The following ALDH16A1 variants were observed in gnomAD, a reference collection of about 807,000 sequenced individuals.
The protein encoded by ALDH16A1 is aldehyde dehydrogenase family 16 member A1.
A neutral mutation model predicts 96.1 loss-of-function variants in ALDH16A1; 88 were observed. The ratio of observed to expected loss-of-function variants is 0.92; its 90% CI spans 0.77 to 1.09. ALDH16A1 has a LOEUF of 1.09. ALDH16A1 is among the 50% of genes least tolerant of loss of function. The pLI, the probability that ALDH16A1 is intolerant of heterozygous loss-of-function variation, is 0.00. For missense variants in ALDH16A1, 1,250 were observed against 1,112.6 expected (o/e 1.12, Z -1.76); for synonymous variants, 522 against 496.4 (o/e 1.05, Z -0.69).
Position 49,458,483 on chromosome 19 carries a change from C to G in ALDH16A1, c.91-3C>G. 6.4e-7 allele frequency: 1 copy of G among 1,557,358 alleles called. No individual in the cohort carries two copies. Among genetic ancestry groups the G allele is most frequent in the Non-Finnish European group, 8.7e-7 (1 of 1,149,358 alleles). On this transcript the variant is annotated splice_polypyrimidine_tract_variant and splice_region_variant and intron_variant, in intron 1 of 16. Coordinates refer to ENST00000293350, the MANE Select transcript of ALDH16A1 (RefSeq NM_153329.4). The stretch of plus-strand genomic sequence containing the variant: ...CTTTCCAAACTGTCTCTACCTCCCC[C>G]AGGCCTGGCTGGACACCCAGGACCG...
chr19:49,467,762 T>C (rs187782001), intron 14 of ALDH16A1, among the ~76,000 whole-genome samples: 20 of 152,090 alleles, frequency 1.3e-4, no homozygotes, highest in African/African-American at 4.3e-4. Context: ...GCTTGTTACA[T>C]AGGGATACAC....
At chr19:49,464,593 C>T (rs371592208) in intron 11 of ALDH16A1, 39 bp from the exon 12 acceptor site, 12 of 1,613,810 alleles carry the variant, frequency 7.4e-6, no homozygotes, top group Non-Finnish European at 1.0e-5. Context: ...TCCGGCCTCG[C>T]GTGCCCCTTG....
At position 49,464,625 on chromosome 19, in the gene ALDH16A1, C is replaced by T; in HGVS notation, c.1438-7C>T. 1 of 1,614,138 alleles carries T rather than the reference C, an allele frequency of 6.2e-7. No individual in the cohort carries two copies. On this transcript the variant is annotated splice_region_variant and splice_polypyrimidine_tract_variant and intron_variant, in intron 11 of 16. Transcript: ENST00000293350. ...CTTGCATCCTCTTGACACCGTCCCT[C>T]TCACAGGGGCTGTATGAGTATCTGC...
rs3033555 is a variant in ALDH16A1 at position 49,454,031 on chromosome 19, G to GTT, written c.90+620_90+621dup. Among the ~76,000 whole-genome samples, 923 of 135,190 alleles carry GTT rather than the reference G, an allele frequency of 6.8e-3. 18 individuals are homozygous for GTT. The highest frequency in any genetic ancestry group is 0.024 in the African/African-American group (876 of 36,362). 88.7% of individuals were successfully genotyped at this position (135,190 alleles called of 152,430 possible). On this transcript the variant is annotated intron_variant, in intron 1 of 16. Transcript: ENST00000293350. ...CCGGTTTGGGTTGGGTTTTTTTTTTGTTTTTTTTTTTGAGCCAGGGTCTCA... is the reference window on the plus strand; with the variant it reads ...CCGGTTTGGGTTGGGTTTTTTTTTTGTTTTTTTTTTTTTGAGCCAGGGTCTCA...
chr19:49,464,554 C>A (rs549966663), intron 11 of ALDH16A1, 32 bp downstream of exon 11: 3 of 1,613,234 alleles, frequency 1.9e-6, no homozygotes, highest in Non-Finnish European at 2.5e-6. Flanking sequence ...CACCAGCCCC[C>A]CCGCCGCCCC....
At chr19:49,461,589 C>T (rs1230267453) in intron 5 of ALDH16A1, 30 bp from the exon 6 acceptor site, 2 of 1,509,212 alleles carry the variant, frequency 1.3e-6, no homozygotes, top group Non-Finnish European at 1.8e-6. Flanking sequence ...GCCTGGACTC[C>T]TGGGCCTTTG....
At chr19:49,461,821 G>A (rs370664241) in intron 6 of ALDH16A1, 21 bp downstream of exon 6, 36 of 1,606,438 alleles carry the variant, frequency 2.2e-5, no homozygotes, top group South Asian at 7.8e-5. Flanking sequence ...GACAGGGGTC[G>A]TGGCGGAACG....
At chr19:49,462,156 G>T in intron 7 of ALDH16A1, 120 bp downstream of exon 7, 1 of 1,353,116 alleles carries the variant, frequency 7.4e-7, no homozygotes, top group Non-Finnish European at 9.6e-7. Context: ...TTTTGAGACG[G>T]AGTTTCACTC....
At position 49,468,907 on chromosome 19, in the gene ALDH16A1, CAGG is replaced by C. The variant is rs759182479; in HGVS notation, c.2171_2173del (p.Gly724del). Reference sequence around the variant, plus strand: ...CCAGCAGGCCTGGCCAACGTGGTGACAGGAGACCGGGACCATCTGACCCGCTGC... The same window carrying C: ...CCAGCAGGCCTGGCCAACGTGGTGACAGACCGGGACCATCTGACCCGCTGC... On this transcript the variant is annotated inframe_deletion, in exon 16 of 17. Coordinates refer to ENST00000293350, the MANE Select transcript of ALDH16A1 (RefSeq NM_153329.4). This position sits in a 1 kb window ranked among gnomAD's most constrained non-coding sequence, Gnocchi z 4.4. The C allele has an allele frequency of 9.3e-6, 15 of 1,614,052 alleles. No individual in the cohort carries two copies. In the East Asian group the frequency reaches 3.3e-4, roughly 36 times the overall value.
Position 49,453,340 on chromosome 19 carries a change from G to C in ALDH16A1, c.9G>C (p.Ala3=), listed in dbSNP as rs2079082086. 1 of 1,566,842 alleles carries C rather than the reference G, an allele frequency of 6.4e-7. No homozygotes were observed. Among genetic ancestry groups the C allele is most frequent in the East Asian group, 2.3e-5 (1 of 42,760 alleles). Residue 3 remains alanine, a synonymous_variant, in exon 1 of 17, where the codon GCG becomes GCC. Coordinates refer to ENST00000293350, the MANE Select transcript of ALDH16A1 (RefSeq NM_153329.4). MA[A]TRAGPRAREI... ...AGCGTTCGGGGTAGGCGATGGCTGC[G>C]ACGCGTGCAGGGCCCCGCGCCCGCG...
chr19:49,464,777 G>T lies in ALDH16A1; in HGVS notation c.1568+15G>T. The T allele has an allele frequency of 1.2e-6, 2 of 1,613,662 alleles. No homozygotes were observed. The highest frequency in any genetic ancestry group is 1.3e-5 in the African/African-American group (1 of 75,078). The stretch of plus-strand genomic sequence containing the variant: ...ATAGGGCCCAGGTGAGTCGTTGGGG[G>T]CCAGTGGTCTGGGAGTGTGAACGGG... On this transcript the variant is annotated intron_variant, in intron 12 of 16. Coordinates refer to ENST00000293350, the MANE Select transcript of ALDH16A1 (RefSeq NM_153329.4).
rs959208467 is a variant in ALDH16A1, at chr19:49,464,575, C to T, written c.1437+53C>T. 2.5e-6 allele frequency: 4 copies of T among 1,613,210 alleles called. No homozygotes were observed. In the African/African-American group the frequency reaches 4.0e-5, roughly 16 times the overall value. On this transcript the variant is annotated intron_variant, in intron 11 of 16. Coordinates refer to ENST00000293350, the MANE Select transcript of ALDH16A1 (RefSeq NM_153329.4). ...CCCCCCCGCCGCCCCATGCCCTTGA[C>T]ACTCGCATCCGGCCTCGCGTGCCCC...
chr19:49,454,031 G>GTTTTT lies in ALDH16A1; in HGVS notation c.90+617_90+621dup, dbSNP rs3033555. 1.2e-4 allele frequency among the ~76,000 whole-genome samples: 16 copies of GTTTTT among 135,178 alleles called. 2 individuals are homozygous for GTTTTT. The highest frequency in any genetic ancestry group is 1.7e-4 in the Non-Finnish European group (11 of 64,668). The allele number at this position is 135,178 out of a possible 152,430, so 88.7% of individuals were successfully genotyped here. A position where few individuals can be genotyped will look rare whatever the true frequency, so the allele number is the denominator to read the frequency against. On this transcript the variant is annotated intron_variant, in intron 1 of 16. Transcript: ENST00000293350. ...CCGGTTTGGGTTGGGTTTTTTTTTT[G>GTTTTT]TTTTTTTTTTTGAGCCAGGGTCTCA...
intron 1 of ALDH16A1, among the ~76,000 whole-genome samples, chr19:49,457,697 C>A (rs1043289453): frequency 6.6e-6 from 1 of 151,738 alleles, no homozygotes; most frequent in Non-Finnish European, 1.5e-5. Flanking sequence ...ACAGCCTCTA[C>A]CTCCTGGGCT....
At chr19:49,457,690 G>A (rs953186704) in intron 1 of ALDH16A1, among the ~76,000 whole-genome samples, 2 of 151,668 alleles carry the variant, frequency 1.3e-5, no homozygotes, top group Non-Finnish European at 2.9e-5. Context: ...GCTTACTACA[G>A]CCTCTACCTC....
chr19:49,454,514 C>G (rs10406949), intron 1 of ALDH16A1, among the ~76,000 whole-genome samples: 4 of 152,116 alleles, frequency 2.6e-5, no homozygotes, highest in Non-Finnish European at 4.4e-5. Context: ...CCCTCAGAGG[C>G]CCCCAGAACC....
rs540419098 is a variant in ALDH16A1 at position 49,466,321 on chromosome 19, C to T, written c.1938+38C>T. 3.0e-4 allele frequency: 420 copies of T among 1,422,512 alleles called. 2 individuals carry two copies. In the South Asian group the frequency reaches 5.4e-3, roughly 18 times the overall value. The allele number at this position is 1,422,512 out of a possible 1,614,324, so 88.1% of individuals were successfully genotyped here. On this transcript the variant is annotated intron_variant, in intron 14 of 16. Coordinates refer to ENST00000293350, the MANE Select transcript of ALDH16A1 (RefSeq NM_153329.4). Reference sequence around the variant, plus strand: ...TGGGCACCTGGGCCAGCTGGGCAGGCGGGGTGGGGCTCAGACCAGAGGCTG... The same window carrying T: ...TGGGCACCTGGGCCAGCTGGGCAGGTGGGGTGGGGCTCAGACCAGAGGCTG...
Position 49,458,998 on chromosome 19 carries a change from G to A in ALDH16A1, c.232G>A (p.Asp78Asn), listed in dbSNP as rs2079121614. Residue 78 changes from aspartate to asparagine, a missense_variant, in exon 3 of 17, where the codon GAT becomes AAT. Transcript: ENST00000293350. ...LASCLQAQAE[D>N]VAAAVEAARM... ...CAGTTGCCTGCAGGCACAGGCCGAG[G>A]ATGTGGCTGCAGCCGTGGAGGCAGC... 1 of 1,613,398 alleles carries A rather than the reference G, an allele frequency of 6.2e-7. No individual in the cohort carries two copies. The highest frequency in any genetic ancestry group is 1.1e-5 in the South Asian group (1 of 91,088).
chr19:49,461,356 G>T (rs369312506), intron 5 of ALDH16A1, among the ~76,000 whole-genome samples: 2 of 88,018 alleles, frequency 2.3e-5, no homozygotes, highest in East Asian at 3.3e-4. Context: ...AGGGAGGAGG[G>T]GCTGGAGTCT....
Sources: gnomAD v4.1 joint callset for allele counts (sites outside exome capture counted in the v4.1 genomes callset) on GRCh38, gnomAD v4.1.1 for gene constraint, Gnocchi (gnomAD v3.1) non-coding constraint, MANE v1.5 for transcripts, NCBI Gene and HGNC (gene_info 2026-07-23, HGNC 2026-07-21) for gene names.